Variants in SSBP2 observed in about 807,000 individuals in gnomAD.
SSBP2 encodes single stranded DNA binding protein 2, also known as single-stranded DNA-binding protein 2.
Under a neutral mutation model 61.8 loss-of-function variants are expected in SSBP2, and 17 were observed. That is an observed-to-expected ratio of 0.28 (90% CI 0.19 to 0.41). The LOEUF is 0.41. SSBP2 is among the 10% of genes least tolerant of loss of function. The pLI is 1.00. For missense variants in SSBP2, 310 were observed against 458.7 expected, an observed-to-expected ratio of 0.68 and a Z score of 2.96; for synonymous variants, 139 against 141.3, an observed-to-expected ratio of 0.98 and a Z score of 0.12.
At chr5:81,490,412 A>G (rs1200375799) in intron 5 of SSBP2, among the ~76,000 whole-genome samples, 1 of 152,150 alleles carries the variant, frequency 6.6e-6, no homozygotes, top group Non-Finnish European at 1.5e-5. Context: ...ATCTCAACAT[A>G]TAATTACTTA....
rs144597662 is a variant in SSBP2 at position 81,712,014 on chromosome 5, G to T, written c.62+38967C>A. ...GCTATTTTTATTATCACTGTTGCTAGTATTATAGTTTAAACACCATACTGA... is the reference window on the plus strand; with the variant it reads ...GCTATTTTTATTATCACTGTTGCTATTATTATAGTTTAAACACCATACTGA... On this transcript the variant is annotated intron_variant, in intron 1 of 16. Coordinates refer to ENST00000320672, the MANE Select transcript of SSBP2 (RefSeq NM_012446.5). 5.3e-3 allele frequency among the ~76,000 whole-genome samples: 806 copies of T among 151,678 alleles called. 5 individuals carry two copies. The highest frequency in any genetic ancestry group is 8.2e-3 in the Non-Finnish European group (558 of 67,912).
intron 4 of SSBP2, among the ~76,000 whole-genome samples, chr5:81,569,053 T>A (rs944384608): frequency 2.0e-5 from 3 of 152,184 alleles, no homozygotes; most frequent in Non-Finnish European, 2.9e-5. Context: ...AGGTTCCACT[T>A]GGACATTACT....
intron 4 of SSBP2, chr5:81,615,157 T>C (rs756448386): frequency 2.4e-4 from 46 of 194,326 alleles, no homozygotes; most frequent in Non-Finnish European, 4.4e-4. Flanking sequence ...ATAATGAATG[T>C]TTTTGTAGAA....
At chr5:81,558,191 A>T (rs1772753687) in intron 4 of SSBP2, among the ~76,000 whole-genome samples, 1 of 152,192 alleles carries the variant, frequency 6.6e-6, no homozygotes, top group Non-Finnish European at 1.5e-5. Flanking sequence ...TACTTCATTG[A>T]AATCACTTAC....
chr5:81,596,849 T>C (rs1356606627), intron 4 of SSBP2, among the ~76,000 whole-genome samples: 1 of 147,716 alleles, frequency 6.8e-6, no homozygotes, highest in Non-Finnish European at 1.5e-5. Context: ...CAAGATGGAT[T>C]AAAGACTTAA....
rs768520041 is a variant in SSBP2 at position 81,683,657 on chromosome 5, A to AAAGGCACTGT, written c.63-33328_63-33319dup. 5.1e-4 allele frequency among the ~76,000 whole-genome samples: 77 copies of AAAGGCACTGT among 152,290 alleles called. 2 individuals carry two copies. Among genetic ancestry groups the AAAGGCACTGT allele is most frequent in the South Asian group, 2.5e-3 (12 of 4,828 alleles). ...CTTCATTAAAATTAAAAACTGTGTG[A>AAAGGCACTGT]AAGGCACTGTCAAGAGAATGAGAAG... is the stretch of plus-strand genomic sequence containing the variant. On this transcript the variant is annotated intron_variant, in intron 1 of 16. Transcript: ENST00000320672.
intron 15 of SSBP2, among the ~76,000 whole-genome samples, chr5:81,432,984 G>GT (rs993010220): frequency 4.7e-5 from 7 of 149,862 alleles, no homozygotes; most frequent in African/African-American, 1.2e-4. Context: ...GAGGGAGGTG[G>GT]GGGGGGTCAG....
At chr5:81,740,699 T>A (rs924001070) in intron 1 of SSBP2, among the ~76,000 whole-genome samples, 3 of 152,178 alleles carry the variant, frequency 2.0e-5, no homozygotes. Context: ...TATGCCGGAT[T>A]ACTCTGCCTC....
At chr5:81,601,822 C>A (rs563335432) in intron 4 of SSBP2, among the ~76,000 whole-genome samples, 1 of 152,072 alleles carries the variant, frequency 6.6e-6, no homozygotes, top group Non-Finnish European at 1.5e-5. Flanking sequence ...GGGTACTGCA[C>A]GTGAAGTACC....
chr5:81,742,157 C>G (rs1389840175), intron 1 of SSBP2, among the ~76,000 whole-genome samples: 1 of 152,072 alleles, frequency 6.6e-6, no homozygotes, highest in African/African-American at 2.4e-5. Context: ...AAATACTATA[C>G]ATTAAAATAT....
intron 4 of SSBP2, among the ~76,000 whole-genome samples, chr5:81,581,039 C>T (rs1028178715): frequency 6.6e-6 from 1 of 152,100 alleles, no homozygotes; most frequent in Non-Finnish European, 1.5e-5. Flanking sequence ...GAGAAAGTTA[C>T]GTAAAAGTGC....
intron 4 of SSBP2, among the ~76,000 whole-genome samples, chr5:81,590,690 T>C (rs1231053368): frequency 6.6e-6 from 1 of 152,202 alleles, no homozygotes; most frequent in Non-Finnish European, 1.5e-5. Flanking sequence ...CTCATGGAGA[T>C]GACAAATAGC....
chr5:81,655,107 T>C (rs867854258), intron 1 of SSBP2, among the ~76,000 whole-genome samples: 3 of 152,136 alleles, frequency 2.0e-5, no homozygotes, highest in Non-Finnish European at 4.4e-5. Context: ...CTATGATCCA[T>C]CATCGTCCTC....
chr5:81,433,691 G>T (rs1762489197), intron 15 of SSBP2, among the ~76,000 whole-genome samples: 1 of 151,956 alleles, frequency 6.6e-6, no homozygotes, highest in Non-Finnish European at 1.5e-5. Flanking sequence ...GATTAAATGG[G>T]TGACCCCTCA....
intron 1 of SSBP2, among the ~76,000 whole-genome samples, chr5:81,731,747 C>T (rs1756279583): frequency 6.6e-6 from 1 of 151,934 alleles, no homozygotes; most frequent in South Asian, 2.1e-4. Context: ...TTTTGCTTCT[C>T]TCCTCTATTG....
intron 3 of SSBP2, among the ~76,000 whole-genome samples, chr5:81,630,234 A>G (rs1456167201): frequency 6.6e-6 from 1 of 152,230 alleles, no homozygotes; most frequent in African/African-American, 2.4e-5. Context: ...AAAGGCAACA[A>G]TTATTAGAGT....
At chr5:81,571,678 A>T (rs973689298) in intron 4 of SSBP2, among the ~76,000 whole-genome samples, 1 of 152,164 alleles carries the variant, frequency 6.6e-6, no homozygotes, top group Admixed American at 6.5e-5. Context: ...GAGGTACATG[A>T]AAGATTCGCT....
Position 81,473,775 on chromosome 5 carries a change from A to C in SSBP2, c.500-5T>G. On this transcript the variant is annotated splice_region_variant and splice_polypyrimidine_tract_variant and intron_variant, in intron 7 of 16. Transcript: ENST00000320672. ...GCCCACCCATATTTGGATGTCCTAA[A>C]AAAAGTATGAAGACATTAGCAAAGT... 1 of 1,613,758 alleles carries C rather than the reference A, an allele frequency of 6.2e-7. No individual in the cohort carries two copies. Among genetic ancestry groups the C allele is most frequent in the Non-Finnish European group, 8.5e-7 (1 of 1,179,760 alleles).
At chr5:81,737,510 C>T (rs1340356323) in intron 1 of SSBP2, among the ~76,000 whole-genome samples, 4 of 151,988 alleles carry the variant, frequency 2.6e-5, no homozygotes, top group South Asian at 2.1e-4. Context: ...TGGCCAGGCG[C>T]GGTGGCTCAC....
Sources: gnomAD v4.1 joint callset for allele counts (sites outside exome capture counted in the v4.1 genomes callset) on GRCh38, gnomAD v4.1.1 for gene constraint, MANE v1.5 for transcripts, NCBI Gene and HGNC (gene_info 2026-07-23, HGNC 2026-07-21) for gene names.